Variants in CDC42SE2 observed in about 807,000 individuals in gnomAD.
CDC42SE2 encodes CDC42 small effector protein 2.
A neutral mutation model predicts 11.5 loss-of-function variants in CDC42SE2; 3 were observed. That is an observed-to-expected ratio of 0.26 (90% CI 0.12 to 0.67). The LOEUF is 0.67. Ranked by LOEUF, CDC42SE2 falls within the 30% of genes least tolerant of loss-of-function variation. CDC42SE2 has a pLI of 0.80. For synonymous variants in CDC42SE2, 33 were observed against 34.8 expected, an observed-to-expected ratio of 0.95 and a Z score of 0.18; for missense variants, 82 against 106.8, an observed-to-expected ratio of 0.77 and a Z score of 1.02.
chr5:131,266,172 A>G (rs953904058), intron 1 of CDC42SE2, among the ~76,000 whole-genome samples: 1 of 152,188 alleles, frequency 6.6e-6, no homozygotes, highest in East Asian at 1.9e-4. Context: ...GTAGTTTTGC[A>G]TTTATTCTGA....
chr5:131,298,229 A>T (rs1168341997), intron 1 of CDC42SE2, among the ~76,000 whole-genome samples: 1 of 150,988 alleles, frequency 6.6e-6, no homozygotes, highest in Non-Finnish European at 1.5e-5. Context: ...CAGCCTCCTG[A>T]GTAGTTGGGA....
At chr5:131,365,477 G>A (rs776594015) in intron 3 of CDC42SE2, among the ~76,000 whole-genome samples, 10 of 152,076 alleles carry the variant, frequency 6.6e-5, no homozygotes, top group African/African-American at 9.7e-5. Context: ...TAATAACCTC[G>A]TATGGCACAG....
intron 1 of CDC42SE2, among the ~76,000 whole-genome samples, chr5:131,309,404 T>C (rs1230396235): frequency 6.6e-6 from 1 of 152,158 alleles, no homozygotes; most frequent in Non-Finnish European, 1.5e-5. Context: ...GGTCTAAAAT[T>C]CTCTTTTTTG....
chr5:131,311,845 T>C (rs941667811), intron 1 of CDC42SE2, among the ~76,000 whole-genome samples: 1 of 152,194 alleles, frequency 6.6e-6, no homozygotes, highest in African/African-American at 2.4e-5. Flanking sequence ...TACATTCTTC[T>C]AAATTTTTTT....
chr5:131,343,690 G>A (rs1351227239), intron 2 of CDC42SE2, among the ~76,000 whole-genome samples: 1 of 148,380 alleles, frequency 6.7e-6, no homozygotes, highest in Admixed American at 6.7e-5. Flanking sequence ...TCCAGCCTGG[G>A]CAACAAGAGC....
chr5:131,339,970 G>A (rs947312725), intron 2 of CDC42SE2, among the ~76,000 whole-genome samples: 6 of 152,082 alleles, frequency 3.9e-5, no homozygotes, highest in African/African-American at 7.2e-5. Flanking sequence ...AGCCAAGTAC[G>A]AAGACAATCT....
intron 3 of CDC42SE2, among the ~76,000 whole-genome samples, chr5:131,379,127 A>G (rs1295190630): frequency 6.6e-6 from 1 of 152,172 alleles, no homozygotes; most frequent in African/African-American, 2.4e-5. Flanking sequence ...ATAGCTTTCA[A>G]CCTTTCATTT....
intron 2 of CDC42SE2, chr5:131,255,250 ATTTGAAGTC>A (rs1756671076): frequency 6.6e-6 from 1 of 152,312 alleles, no homozygotes; most frequent in Middle Eastern, 3.4e-3. Context: ...AAAATTCTGA[ATTTGAAGTC>A]TTAGTTTAAA....
the CDC42SE2 span, among the ~76,000 whole-genome samples, chr5:131,228,475 A>C: frequency 6.6e-6 from 1 of 152,230 alleles, no homozygotes; most frequent in African/African-American, 2.4e-5. Context: ...TTCTGGCTTC[A>C]GTCTTTGACT....
At chr5:131,371,603 G>A (rs754334580) in intron 3 of CDC42SE2, among the ~76,000 whole-genome samples, 1 of 152,214 alleles carries the variant, frequency 6.6e-6, no homozygotes, top group Non-Finnish European at 1.5e-5. Flanking sequence ...ATAGGCAAAC[G>A]TAGTCAAATG....
At chr5:131,355,870 G>A (rs1274283871) in intron 2 of CDC42SE2, among the ~76,000 whole-genome samples, 1 of 152,162 alleles carries the variant, frequency 6.6e-6, no homozygotes, top group Admixed American at 6.5e-5. Flanking sequence ...ATGCAGGTAG[G>A]AGGCTGGTAT....
At chr5:131,216,509 A>ACAAAAC in the CDC42SE2 span, among the ~76,000 whole-genome samples, 16 of 133,240 alleles carry the variant, frequency 1.2e-4, no homozygotes, top group East Asian at 2.6e-3. Flanking sequence ...CTCAAAAAAA[A>ACAAAAC]AAAAAAAAAA....
In CDC42SE2 at chr5:131,390,975, A is replaced by G. The variant is rs780268182; in HGVS notation, c.157-18A>G. On this transcript the variant is annotated intron_variant, in intron 4 of 4. Transcript: ENST00000505065. ...CCTGACTTCCATTTTGTTTTGTTGT[A>G]TTTTTGTCTTGTTTTAGGTTAGCTC... 6.4e-7 allele frequency: 1 copy of G among 1,574,080 alleles called. No homozygotes were observed. Among genetic ancestry groups the G allele is most frequent in the Non-Finnish European group, 8.7e-7 (1 of 1,147,082 alleles).
chr5:131,253,660 G>A (rs1291485363), intron 1 of CDC42SE2, among the ~76,000 whole-genome samples: 2 of 152,172 alleles, frequency 1.3e-5, no homozygotes, highest in Non-Finnish European at 2.9e-5. Context: ...AGCTACTCAA[G>A]AGGCTGAGGC....
chr5:131,335,062 G>A (rs1305097917), intron 2 of CDC42SE2, among the ~76,000 whole-genome samples: 4 of 151,976 alleles, frequency 2.6e-5, no homozygotes, highest in South Asian at 4.2e-4. Flanking sequence ...TGATGTTAGG[G>A]TGTCAATTTT....
chr5:131,370,102 C>T (rs1166790299), intron 3 of CDC42SE2, among the ~76,000 whole-genome samples: 1 of 152,152 alleles, frequency 6.6e-6, no homozygotes, highest in Non-Finnish European at 1.5e-5. Flanking sequence ...TCCCACATTC[C>T]AACAGATCAT....
upstream of CDC42SE2, among the ~76,000 whole-genome samples, chr5:131,263,444 C>T (rs978275103): frequency 2.0e-5 from 3 of 152,270 alleles, no homozygotes; most frequent in East Asian, 5.8e-4. Context: ...AATACACACC[C>T]AAAGGAATCA....
intron 1 of CDC42SE2, among the ~76,000 whole-genome samples, chr5:131,276,984 C>T (rs1004339271): frequency 6.6e-6 from 1 of 152,158 alleles, no homozygotes; most frequent in Admixed American, 6.5e-5. Context: ...AGATGATCCG[C>T]CCACCTCGGC....
At chr5:131,376,960 A>G (rs1750172574) in intron 3 of CDC42SE2, among the ~76,000 whole-genome samples, 1 of 152,148 alleles carries the variant, frequency 6.6e-6, no homozygotes, top group Non-Finnish European at 1.5e-5. Context: ...ATATGTGTAC[A>G]TGTGTCTTTA....
Sources: gnomAD v4.1 joint callset for allele counts (sites outside exome capture counted in the v4.1 genomes callset) on GRCh38, gnomAD v4.1.1 for gene constraint, MANE v1.5 for transcripts, NCBI Gene and HGNC (gene_info 2026-07-23, HGNC 2026-07-21) for gene names.